PLEKHA5: variants seen among roughly 807,000 people sequenced by gnomAD.
PLEKHA5 encodes pleckstrin homology domain-containing family A member 5.
A neutral mutation model predicts 181.9 loss-of-function variants in PLEKHA5; 55 were observed. The ratio of observed to expected loss-of-function variants is 0.30; its 90% CI spans 0.24 to 0.38. The LOEUF (loss-of-function observed/expected upper bound fraction) is 0.38, where lower values mean the gene tolerates loss of function less well. PLEKHA5 is among the 10% of genes least tolerant of loss of function. The pLI is 1.00. For synonymous variants in PLEKHA5, 535 were observed against 529.4 expected (o/e 1.01, Z -0.15); for missense variants, 1,432 against 1,549.5 (o/e 0.92, Z 1.27).
At chr12:19,293,061 A>AT (rs376952864) in intron 15 of PLEKHA5, among the ~76,000 whole-genome samples, 9 of 152,076 alleles carry the variant, frequency 5.9e-5, no homozygotes, top group Non-Finnish European at 1.2e-4. Flanking sequence ...CATTGAATAC[A>AT]TTTTTTTATA....
At chr12:19,166,204 G>A (rs2044331423) in intron 3 of PLEKHA5, among the ~76,000 whole-genome samples, 1 of 152,022 alleles carries the variant, frequency 6.6e-6, no homozygotes, top group African/African-American at 2.4e-5. Context: ...TATAAAAGGG[G>A]AAAAAAGTTT....
intron 31 of PLEKHA5, among the ~76,000 whole-genome samples, 158 bp downstream of exon 31, chr12:19,369,956 G>A (rs1351190429): frequency 1.3e-5 from 2 of 152,250 alleles, no homozygotes; most frequent in African/African-American, 4.8e-5. Context: ...GTTGGTAACA[G>A]ATTGCTAACA....
chr12:19,304,230 C>G (rs1439486330), intron 15 of PLEKHA5, among the ~76,000 whole-genome samples: 1 of 152,122 alleles, frequency 6.6e-6, no homozygotes, highest in East Asian at 1.9e-4. Flanking sequence ...CATGGTGAAA[C>G]CCGGTCTCTA....
At chr12:19,162,296 A>T (rs1179147854) in intron 3 of PLEKHA5, among the ~76,000 whole-genome samples, 1 of 152,176 alleles carries the variant, frequency 6.6e-6, no homozygotes, top group Non-Finnish European at 1.5e-5. Context: ...TGAAATATTC[A>T]TGTAAACATA....
chr12:19,187,063 A>G (rs2050044114), intron 3 of PLEKHA5, among the ~76,000 whole-genome samples: 1 of 152,188 alleles, frequency 6.6e-6, no homozygotes, highest in Non-Finnish European at 1.5e-5. Context: ...AGCATCTTCT[A>G]TATGAATGTC....
intron 5 of PLEKHA5, 53 bp from the exon 6 acceptor site, chr12:19,257,380 C>G: frequency 1.2e-6 from 1 of 819,570 alleles, no homozygotes. Flanking sequence ...AAGATAAGCT[C>G]AAATCTCTAG....
At chr12:19,184,519 A>G (rs1338486413) in intron 3 of PLEKHA5, among the ~76,000 whole-genome samples, 1 of 152,166 alleles carries the variant, frequency 6.6e-6, no homozygotes, top group Non-Finnish European at 1.5e-5. Flanking sequence ...ATGAAATGGG[A>G]TAAGTACTGT....
chr12:19,294,765 TAAA>T (rs1255010676), intron 15 of PLEKHA5, among the ~76,000 whole-genome samples: 1 of 152,120 alleles, frequency 6.6e-6, no homozygotes, highest in Non-Finnish European at 1.5e-5. Flanking sequence ...TAATAACAAA[TAAA>T]AAATAAAATA....
At chr12:19,330,467 T>TA (rs1465725988) in intron 20 of PLEKHA5, among the ~76,000 whole-genome samples, 1 of 152,026 alleles carries the variant, frequency 6.6e-6, no homozygotes, top group Non-Finnish European at 1.5e-5. Flanking sequence ...CTTTTTAGGT[T>TA]AAAAAAAGCC....
chr12:19,340,210 T>G (rs1468506556), intron 21 of PLEKHA5, among the ~76,000 whole-genome samples: 2 of 152,092 alleles, frequency 1.3e-5, no homozygotes, highest in African/African-American at 4.8e-5. Context: ...TTCTTTTTGA[T>G]TTGGAGAAAT....
intron 3 of PLEKHA5, among the ~76,000 whole-genome samples, chr12:19,204,263 A>C (rs151153505): frequency 6.6e-6 from 1 of 152,226 alleles, no homozygotes; most frequent in East Asian, 1.9e-4. Flanking sequence ...ATATGGGTAC[A>C]TTTAAAGATG....
At chr12:19,244,072 A>G (rs1324541923) in intron 3 of PLEKHA5, among the ~76,000 whole-genome samples, 1 of 152,098 alleles carries the variant, frequency 6.6e-6, no homozygotes, top group Non-Finnish European at 1.5e-5. Context: ...ATATTTAATA[A>G]TAATTTTTAA....
intron 11 of PLEKHA5, among the ~76,000 whole-genome samples, chr12:19,280,694 G>T (rs1399548034): frequency 6.6e-6 from 1 of 151,658 alleles, no homozygotes; most frequent in African/African-American, 2.4e-5. Context: ...CTATGGAGAT[G>T]ATTGTATAAG....
chr12:19,186,374 A>G (rs538540918), intron 3 of PLEKHA5, among the ~76,000 whole-genome samples: 1 of 152,222 alleles, frequency 6.6e-6, no homozygotes, highest in Non-Finnish European at 1.5e-5. Context: ...GGTTGGCCAC[A>G]GTGAGGGTGA....
At position 19,334,690 on chromosome 12, in the gene PLEKHA5, G is replaced by T. The variant is rs945043129; in HGVS notation, c.2449-1825G>T. ...ATTTTCATATTTATTCATGTAAAAA[G>T]AATTTGCTGACTAGATGTGGTGGCT... On this transcript the variant is annotated intron_variant, in intron 20 of 31. Coordinates refer to ENST00000429027, the MANE Select transcript of PLEKHA5 (RefSeq NM_001256470.2). Among the ~76,000 whole-genome samples the T allele has an allele frequency of 3.3e-5, 5 of 150,054 alleles. No individual in the cohort carries two copies. The East Asian group carries it at 5.9e-4, about 18-fold the overall frequency.
At chr12:19,335,135 C>T (rs1455292159) in intron 20 of PLEKHA5, among the ~76,000 whole-genome samples, 3 of 144,272 alleles carry the variant, frequency 2.1e-5, no homozygotes, top group African/African-American at 7.6e-5. Flanking sequence ...CTCAAGCAAT[C>T]CTCCCACCTC....
At chr12:19,303,181 C>A (rs926129751) in intron 15 of PLEKHA5, among the ~76,000 whole-genome samples, 1 of 141,522 alleles carries the variant, frequency 7.1e-6, no homozygotes, top group Non-Finnish European at 1.5e-5. Context: ...CTCAGCCTCC[C>A]AGAGTGAGTC....
At chr12:19,200,411 A>G in intron 3 of PLEKHA5, 1 of 1,506,458 alleles carries the variant, frequency 6.6e-7, no homozygotes, top group Non-Finnish European at 8.8e-7. Flanking sequence ...GACTAGCTTC[A>G]CTTCTTGGTG....
intron 29 of PLEKHA5, among the ~76,000 whole-genome samples, chr12:19,364,953 C>A (rs1452329256): frequency 6.6e-6 from 1 of 152,130 alleles, no homozygotes; most frequent in Non-Finnish European, 1.5e-5. Context: ...AGCCACCGCG[C>A]TCAGCCACAC....
Sources: gnomAD v4.1 joint callset for allele counts (sites outside exome capture counted in the v4.1 genomes callset) on GRCh38, gnomAD v4.1.1 for gene constraint, MANE v1.5 for transcripts, NCBI Gene and HGNC (gene_info 2026-07-23, HGNC 2026-07-21) for gene names.